Variants in NALCN observed in about 807,000 individuals in gnomAD.
NALCN encodes the protein sodium leak channel, non-selective, also known as sodium leak channel NALCN.
A neutral mutation model predicts 225.3 loss-of-function variants in NALCN; 111 were observed. The ratio of observed to expected loss-of-function variants is 0.49; its 90% confidence interval spans 0.42 to 0.58. The LOEUF (loss-of-function observed/expected upper bound fraction) is 0.58. NALCN is among the 20% of genes least tolerant of loss of function. NALCN has a pLI of 0.00. For missense variants in NALCN, 1,378 were observed against 2,202.4 expected, an observed-to-expected ratio of 0.63 and a Z score of 7.49; for synonymous variants, 764 against 769.0, an observed-to-expected ratio of 0.99 and a Z score of 0.11.
rs5806203 is a variant in NALCN at position 101,211,650 on chromosome 13, CTA to C, written c.1626+17741_1626+17742del. ...TGGGGGGGGAGACAATGACAATAAA[CTA>C]TATATATATATATATATCTCATGGT... On this transcript the variant is annotated intron_variant, in intron 13 of 43. Transcript: ENST00000251127. 9.3e-3 allele frequency among the ~76,000 whole-genome samples: 1,354 copies of C among 145,562 alleles called. 22 individuals are homozygous for C. The highest frequency in any genetic ancestry group is 0.032 in the African/African-American group (1,276 of 39,844).
At chr13:101,096,965 G>A (rs1240773494) in intron 27 of NALCN, among the ~76,000 whole-genome samples, 3 of 152,060 alleles carry the variant, frequency 2.0e-5, no homozygotes, top group Admixed American at 6.6e-5. Context: ...CCTAAGCCAT[G>A]TCTCCTCTTG....
At chr13:101,202,509 C>T (rs1198012915) in intron 13 of NALCN, among the ~76,000 whole-genome samples, 1 of 152,100 alleles carries the variant, frequency 6.6e-6, no homozygotes, top group East Asian at 1.9e-4. Flanking sequence ...CAGATCCCTC[C>T]AATTCAATCA....
chr13:101,295,068 GCGCCCCCTCATGCAT>G (rs1291602720), intron 7 of NALCN, among the ~76,000 whole-genome samples: 1 of 152,010 alleles, frequency 6.6e-6, no homozygotes, highest in Non-Finnish European at 1.5e-5. Flanking sequence ...ATATGAACAG[GCGCCCCCTCATGCAT>G]CTGTTCATAG....
At chr13:101,326,547 G>T (rs984841909) in intron 7 of NALCN, among the ~76,000 whole-genome samples, 1 of 152,158 alleles carries the variant, frequency 6.6e-6, no homozygotes, top group Non-Finnish European at 1.5e-5. Flanking sequence ...ATAGTACAGG[G>T]CATTGATTTA....
intron 1 of NALCN, among the ~76,000 whole-genome samples, chr13:101,410,558 A>G (rs1410225725): frequency 1.3e-5 from 2 of 152,228 alleles, no homozygotes; most frequent in Admixed American, 6.5e-5. Context: ...TTTGTTTTAT[A>G]AAAGGATAAC....
chr13:101,127,872 AT>A (rs1045741763), intron 17 of NALCN, among the ~76,000 whole-genome samples: 4 of 151,876 alleles, frequency 2.6e-5, no homozygotes, highest in East Asian at 1.9e-4. Context: ...AGCTTTGCGA[AT>A]TTTTTTTGGC....
intron 43 of NALCN, chr13:101,057,153 C>G (rs1158826768): frequency 6.6e-6 from 1 of 152,164 alleles, no homozygotes; most frequent in East Asian, 1.9e-4. Context: ...AGTTAAAGAG[C>G]ATTATAAAGC....
At chr13:101,203,255 G>A (rs9585652) in intron 13 of NALCN, among the ~76,000 whole-genome samples, 2 of 152,138 alleles carry the variant, frequency 1.3e-5, no homozygotes, top group Non-Finnish European at 1.5e-5. Context: ...CGCTCTTGTC[G>A]CCCAGGCTGG....
intron 7 of NALCN, among the ~76,000 whole-genome samples, chr13:101,294,914 C>T (rs2043685898): frequency 6.6e-6 from 1 of 152,114 alleles, no homozygotes; most frequent in Non-Finnish European, 1.5e-5. Flanking sequence ...GCAGCAAAAG[C>T]TGGTTACAAA....
chr13:101,339,041 G>C (rs189571307), intron 7 of NALCN, among the ~76,000 whole-genome samples: 1 of 152,310 alleles, frequency 6.6e-6, no homozygotes, highest in Non-Finnish European at 1.5e-5. Flanking sequence ...GAAAATCACA[G>C]TGTCGCCTCT....
rs1481933666 is a variant in NALCN, at chr13:101,217,803, GCTA to G, written c.1626+11587_1626+11589del. ...CTACTCTGTGTCCAGCCCTATGCTAGCTACTTTGCAGGTACCTACCTATTTGGG... is the reference window on the plus strand; with the variant it reads ...CTACTCTGTGTCCAGCCCTATGCTAGCTTTGCAGGTACCTACCTATTTGGG... On this transcript the variant is annotated intron_variant, in intron 13 of 43. Coordinates refer to ENST00000251127, the MANE Select transcript of NALCN (RefSeq NM_052867.4). Among the ~76,000 whole-genome samples the G allele has an allele frequency of 2.1e-4, 32 of 152,328 alleles. 1 individual carries two copies. The highest frequency in any genetic ancestry group is 7.5e-4 in the African/African-American group (31 of 41,588).
In NALCN at chr13:101,346,057, T is replaced by TTCTCTCTC. The variant is rs767899309; in HGVS notation, c.645-645_645-638dup. On this transcript the variant is annotated intron_variant, in intron 6 of 43. Transcript: ENST00000251127. ...TATATATATGAGACCTTGAGAGACT[T>TTCTCTCTC]TCTCTCTCTCTCTCTCTCTCTCTCT... 2.2e-3 allele frequency among the ~76,000 whole-genome samples: 167 copies of TTCTCTCTC among 75,506 alleles called. 1 individual carries two copies. Among genetic ancestry groups the TTCTCTCTC allele is most frequent in the South Asian group, 3.5e-3 (6 of 1,728 alleles). The allele number at this position is 75,506 out of a possible 152,430, so 49.5% of individuals were successfully genotyped here.
chr13:101,250,722 T>A (rs1356861249), intron 11 of NALCN, among the ~76,000 whole-genome samples: 1 of 151,978 alleles, frequency 6.6e-6, no homozygotes, highest in South Asian at 2.1e-4. Flanking sequence ...AAGATGACTA[T>A]ATCTTACAGT....
intron 13 of NALCN, among the ~76,000 whole-genome samples, chr13:101,210,210 A>G (rs1413247): frequency 0.24 from 37,038 of 152,084 alleles, 4,653 homozygotes; most frequent in East Asian, 0.37. Context: ...ACATGTGCTC[A>G]GCCAGATGCA....
chr13:101,361,757 A>C (rs2046258167), intron 6 of NALCN, among the ~76,000 whole-genome samples: 1 of 152,198 alleles, frequency 6.6e-6, no homozygotes, highest in Non-Finnish European at 1.5e-5. Context: ...AATAAAAGTT[A>C]TTTACCACTA....
At chr13:101,376,175 C>A (rs554562271) in intron 6 of NALCN, among the ~76,000 whole-genome samples, 213 of 152,104 alleles carry the variant, frequency 1.4e-3, no homozygotes, top group Non-Finnish European at 2.3e-3. Flanking sequence ...GAACATGTAA[C>A]TCATTCTAAT....
chr13:101,292,514 T>G lies in NALCN; in HGVS notation c.800-148A>C. ...TTGATTAGAATCACATGCAACACAT[T>G]TTACTGTTCTCTTAAAATTTTAATA... On this transcript the variant is annotated intron_variant, in intron 7 of 43. Coordinates refer to ENST00000251127, the MANE Select transcript of NALCN (RefSeq NM_052867.4). The surrounding 1 kb of genome is among the most constrained non-coding windows in gnomAD (Gnocchi z 4.3). 1.3e-6 allele frequency: 1 copy of G among 777,418 alleles called. No individual in the cohort carries two copies. 48.2% of individuals were successfully genotyped at this position (777,418 alleles called of 1,614,324 possible).
chr13:101,291,918 G>T, intron 9 of NALCN, 72 bp downstream of exon 9: 1 of 1,457,868 alleles, frequency 6.9e-7, no homozygotes, highest in African/African-American at 1.4e-5. Context: ...GCTTCCCCAA[G>T]GTCCACTGAT....
At chr13:101,060,054 T>A in intron 41 of NALCN, 87 bp from the exon 42 acceptor site, 1 of 1,481,378 alleles carries the variant, frequency 6.8e-7, no homozygotes, top group Non-Finnish European at 9.2e-7. Flanking sequence ...TCTTCTCCCC[T>A]CTCCTAAGAC....
Sources: allele counts gnomAD v4.1 joint callset (sites outside exome capture counted in the v4.1 genomes callset), GRCh38; gene constraint gnomAD v4.1.1; non-coding constraint Gnocchi (gnomAD v3.1); transcripts MANE v1.5; gene names NCBI Gene and HGNC (gene_info 2026-07-23, HGNC 2026-07-21).